STAB2: variants seen among roughly 807,000 people sequenced by gnomAD.
The protein encoded by STAB2 is stabilin 2, also known as stabilin-2.
A neutral mutation model predicts 338.1 loss-of-function variants in STAB2; 288 were observed. That is an observed-to-expected ratio of 0.85 (90% CI 0.77 to 0.94). The LOEUF is 0.94. Among genes scored for constraint, STAB2 ranks in the 40% least tolerant of loss-of-function variants. The pLI, the probability that STAB2 is intolerant of heterozygous loss-of-function variation, is 0.00. For synonymous variants in STAB2, 1,202 were observed against 1,193.3 expected (o/e 1.01, Z -0.15); for missense variants, 3,141 against 3,210.1 (o/e 0.98, Z 0.52).
intron 3 of STAB2, among the ~76,000 whole-genome samples, chr12:103,609,447 C>A (rs905649911): frequency 6.6e-6 from 1 of 152,132 alleles, no homozygotes; most frequent in Non-Finnish European, 1.5e-5. Context: ...CTCTTTGAAG[C>A]AATTGTGAAT....
At chr12:103,655,669 G>A in intron 15 of STAB2, 88 bp downstream of exon 15, 4 of 1,528,246 alleles carry the variant, frequency 2.6e-6, no homozygotes, top group Non-Finnish European at 3.5e-6. Context: ...ACTAGAGATA[G>A]TAAATAAGTT....
intron 61 of STAB2, chr12:103,755,053 A>C (rs1389182773): frequency 2.1e-6 from 1 of 477,436 alleles, no homozygotes; most frequent in African/African-American, 1.9e-5. Flanking sequence ...TCTCAAGAGC[A>C]GAGAGAAGAG....
At chr12:103,694,572 T>G (rs1486332587) in intron 31 of STAB2, among the ~76,000 whole-genome samples, 1 of 152,148 alleles carries the variant, frequency 6.6e-6, no homozygotes, top group Non-Finnish European at 1.5e-5. Flanking sequence ...CATGGCTGTA[T>G]TCCAACAAAA....
At chr12:103,654,493 C>A in intron 12 of STAB2, 62 bp from the exon 13 acceptor site, 1 of 1,530,090 alleles carries the variant, frequency 6.5e-7, no homozygotes, top group Non-Finnish European at 8.8e-7. Context: ...TGACTCTACT[C>A]CAGTGCTTGC....
intron 51 of STAB2, among the ~76,000 whole-genome samples, chr12:103,734,351 A>G (rs1566058668): frequency 6.6e-6 from 1 of 150,838 alleles, no homozygotes; most frequent in Non-Finnish European, 1.5e-5. Context: ...GGGAGCATGC[A>G]CAGTCTCATA....
At chr12:103,595,632 C>T (rs1326203584) in intron 3 of STAB2, among the ~76,000 whole-genome samples, 1 of 151,962 alleles carries the variant, frequency 6.6e-6, no homozygotes, top group Non-Finnish European at 1.5e-5. Flanking sequence ...ACATTAGGTA[C>T]CAGAGAGGTA....
At chr12:103,741,358 T>A (rs1016373337) in intron 55 of STAB2, among the ~76,000 whole-genome samples, 6 of 152,258 alleles carry the variant, frequency 3.9e-5, no homozygotes, top group East Asian at 1.9e-4. Flanking sequence ...AGTAGGCACA[T>A]TTATTGAGTT....
intron 27 of STAB2, among the ~76,000 whole-genome samples, chr12:103,686,762 G>A (rs1156849528): frequency 6.6e-6 from 1 of 152,128 alleles, no homozygotes; most frequent in East Asian, 1.9e-4. Context: ...GAAAGTGCTG[G>A]GATGGCAGGC....
rs1179542987 is a variant in STAB2, at chr12:103,609,327, T to C, written c.332-11141T>C. ...ATTCTTCCTACCCATGAGCATGGAA[T>C]GTTCTTCCATTTGTTCGTATCCTCT... On this transcript the variant is annotated intron_variant, in intron 3 of 68. Transcript: ENST00000388887. Among the ~76,000 whole-genome samples, 4 of 152,374 alleles carry C rather than the reference T, an allele frequency of 2.6e-5. No individual in the cohort carries two copies. The East Asian group carries it at 7.7e-4, about 29-fold the overall frequency.
At chr12:103,640,928 A>G (rs537198006) in intron 9 of STAB2, among the ~76,000 whole-genome samples, 1 of 152,212 alleles carries the variant, frequency 6.6e-6, no homozygotes, top group Non-Finnish European at 1.5e-5. Context: ...TGTGATGATT[A>G]CATGAGAGAA....
chr12:103,699,338 C>A (rs1878667541), intron 34 of STAB2, 111 bp downstream of exon 34: 4 of 1,335,660 alleles, frequency 3.0e-6, no homozygotes, highest in East Asian at 2.4e-5. Flanking sequence ...CTGTATTAGT[C>A]AGTTTTCACA....
chr12:103,684,956 G>A (rs772895320), intron 26 of STAB2, 33 bp from the exon 27 acceptor site: 3 of 1,604,348 alleles, frequency 1.9e-6, no homozygotes, highest in Admixed American at 3.3e-5. Context: ...GTTTTTGTTG[G>A]GGTAACCATT....
At chr12:103,691,888 G>A (rs1039679072) in intron 30 of STAB2, among the ~76,000 whole-genome samples, 4 of 125,142 alleles carry the variant, frequency 3.2e-5, no homozygotes, top group Admixed American at 1.1e-4. Context: ...GTAGAGTCCA[G>A]TTGGTGTTGA....
chr12:103,764,470 C>T (rs1884769336), intron 68 of STAB2, among the ~76,000 whole-genome samples: 1 of 152,194 alleles, frequency 6.6e-6, no homozygotes, highest in African/African-American at 2.4e-5. Context: ...TGACATCAAT[C>T]CAGGGGGACC....
At chr12:103,674,671 A>G (rs910110232) in intron 23 of STAB2, among the ~76,000 whole-genome samples, 1 of 152,162 alleles carries the variant, frequency 6.6e-6, no homozygotes, top group Non-Finnish European at 1.5e-5. Flanking sequence ...TTTGAGGGGG[A>G]AAATGCCAGA....
chr12:103,761,912 G>C (rs1884569069), intron 66 of STAB2, among the ~76,000 whole-genome samples: 1 of 152,188 alleles, frequency 6.6e-6, no homozygotes, highest in Non-Finnish European at 1.5e-5. Flanking sequence ...CATGAGGGGA[G>C]AGGTGAGCTG....
rs137894334 is a variant in STAB2, at chr12:103,589,098, C to A, written c.81+1541C>A. Among the ~76,000 whole-genome samples, 18 of 152,120 alleles carry A rather than the reference C, an allele frequency of 1.2e-4. No homozygotes were observed. In the East Asian group the frequency reaches 3.4e-3, roughly 29 times the overall value. ...AATGAGGATGATGATACCTGCCCTA[C>A]TTATCTTCAGAGCAGTGAAGATCAA... On this transcript the variant is annotated intron_variant, in intron 1 of 68. Transcript: ENST00000388887.
chr12:103,694,993 AT>A (rs372318728), intron 31 of STAB2, among the ~76,000 whole-genome samples: 3,919 of 151,998 alleles, frequency 0.026, 90 homozygotes, highest in Non-Finnish European at 0.036. Context: ...ATTCAGACTG[AT>A]TTTTTTTAAA....
At chr12:103,743,184 G>A (rs1219630549) in intron 56 of STAB2, among the ~76,000 whole-genome samples, 5 of 151,826 alleles carry the variant, frequency 3.3e-5, no homozygotes, top group African/African-American at 1.2e-4. Context: ...CACCACACCC[G>A]GCTAATTTTA....
Sources: allele counts gnomAD v4.1 joint callset (sites outside exome capture counted in the v4.1 genomes callset), GRCh38; gene constraint gnomAD v4.1.1; transcripts MANE v1.5; gene names NCBI Gene and HGNC (gene_info 2026-07-23, HGNC 2026-07-21).